The following THAP8 variants were observed in gnomAD, a reference collection of about 807,000 sequenced individuals.
THAP8 encodes THAP domain-containing protein 8.
A neutral mutation model predicts 25.0 loss-of-function variants in THAP8; 24 were observed. That is an observed-to-expected ratio of 0.96 (90% CI 0.69 to 1.35). THAP8 has a LOEUF of 1.35. Among genes scored for constraint, THAP8 ranks in the 40% most tolerant of loss-of-function variants. The pLI is 0.00. For synonymous variants in THAP8, 169 were observed against 157.6 expected (o/e 1.07, Z -0.54); for missense variants, 399 against 368.8 (o/e 1.08, Z -0.67).
intron 3 of THAP8, 53 bp downstream of exon 3, chr19:36,039,270 G>A: frequency 7.1e-7 from 1 of 1,412,108 alleles, no homozygotes; most frequent in Admixed American, 3.1e-5. Flanking sequence ...AAAACACACT[G>A]CAGGCCAGGC....
chr19:36,049,396 T>C (rs1417061645), intron 1 of THAP8, among the ~76,000 whole-genome samples: 2 of 150,474 alleles, frequency 1.3e-5, no homozygotes, highest in African/African-American at 4.9e-5. Context: ...AACTAATGAG[T>C]GTTCCCATTG....
chr19:36,042,928 G>A (rs1211515344), intron 1 of THAP8, among the ~76,000 whole-genome samples: 6 of 151,720 alleles, frequency 4.0e-5, no homozygotes, highest in South Asian at 2.1e-4. Context: ...CACCATGCCC[G>A]GCTTATTTAT....
At chr19:36,039,856 G>C (rs769532504) in intron 2 of THAP8, 88 bp downstream of exon 2, 2 of 1,587,928 alleles carry the variant, frequency 1.3e-6, no homozygotes, top group Admixed American at 1.9e-5. Flanking sequence ...CAGGAGGGGA[G>C]GGCCAAAGTT....
chr19:36,039,846 C>T (rs1440211109), intron 2 of THAP8, 98 bp downstream of exon 2: 27 of 1,579,084 alleles, frequency 1.7e-5, no homozygotes, highest in South Asian at 1.1e-4. Flanking sequence ...GAAGTGTCGT[C>T]AGGAGGGGAG....
Position 36,035,358 on chromosome 19 carries a change from T to A in THAP8, c.*82A>T. 2.0e-6 allele frequency: 3 copies of A among 1,528,022 alleles called. No individual in the cohort carries two copies. Among genetic ancestry groups the A allele is most frequent in the Non-Finnish European group, 2.7e-6 (3 of 1,130,012 alleles). 94.7% of individuals were successfully genotyped at this position (1,528,022 alleles called of 1,614,324 possible). A position where few individuals can be genotyped will look rare whatever the true frequency, so the allele number is the denominator to read the frequency against. On this transcript the variant is annotated 3_prime_UTR_variant, in exon 4 of 4. Transcript: ENST00000292894. ...ACTGCTACTACCCAGGCGTGGGCGG[T>A]GGGGCTGGGCCAAGCCCACGTATAA...
rs766355085 is a variant in THAP8, at chr19:36,054,203, G to C, written c.15C>G (p.Cys5Trp). MPKY[C>W]RAPNCSNTAG... Reference sequence around the variant, plus strand: ...CAGTGTTGGAGCAGTTCGGCGCCCTGCAGTACTTGGGCATGGCTATCCAGC... The same window carrying C: ...CAGTGTTGGAGCAGTTCGGCGCCCTCCAGTACTTGGGCATGGCTATCCAGC... Residue 5 changes from cysteine to tryptophan, a missense_variant, in exon 1 of 4, where the codon TGC (cysteine) becomes TGG (tryptophan). Physicochemically the swap from Cys to Trp is radical, Grantham distance 215 (BLOSUM62 -2). Transcript: ENST00000292894. 1 of 1,613,758 alleles carries C rather than the reference G, an allele frequency of 6.2e-7. No individual in the cohort carries two copies.
chr19:36,037,343 T>TAGACACAC lies in THAP8; in HGVS notation c.673-1752_673-1751insGTGTGTCT, dbSNP rs1491146173. Among the ~76,000 whole-genome samples the TAGACACAC allele has an allele frequency of 7.0e-4, 80 of 114,830 alleles. 1 individual carries two copies. The highest frequency in any genetic ancestry group is 9.8e-4 in the Non-Finnish European group (53 of 53,832). The allele number at this position is 114,830 out of a possible 152,430, so 75.3% of individuals were successfully genotyped here. A position where few individuals can be genotyped will look rare whatever the true frequency, so the allele number is the denominator to read the frequency against. ...AAACACCTTCCTCAAATTCCTCCCC[T>TAGACACAC]ACACACACACACACACACACACACA... On this transcript the variant is annotated intron_variant, in intron 3 of 3. Transcript: ENST00000292894.
intron 3 of THAP8, among the ~76,000 whole-genome samples, chr19:36,037,329 T>C: frequency 1.9e-5 from 2 of 105,630 alleles, no homozygotes; most frequent in Admixed American, 9.8e-5. Context: ...AACACCTTCC[T>C]CAAATTCCTC....
chr19:36,045,461 GT>G (rs749155041), intron 1 of THAP8, among the ~76,000 whole-genome samples: 4 of 152,054 alleles, frequency 2.6e-5, no homozygotes, highest in Non-Finnish European at 4.4e-5. Context: ...TAGAGATGGG[GT>G]TTTGCCTTGT....
chr19:36,044,446 AC>A (rs1166104056), intron 1 of THAP8, among the ~76,000 whole-genome samples: 1 of 148,790 alleles, frequency 6.7e-6, no homozygotes, highest in Non-Finnish European at 1.5e-5. Flanking sequence ...AGATGCCATT[AC>A]CTACTGAGGG....
At chr19:36,047,403 G>A (rs920627514) in intron 1 of THAP8, among the ~76,000 whole-genome samples, 5 of 152,198 alleles carry the variant, frequency 3.3e-5, no homozygotes, top group African/African-American at 1.2e-4. Context: ...AGACCTGAAC[G>A]CTTTTTGCTC....
upstream of THAP8, chr19:36,054,760 G>C: frequency 1.6e-6 from 1 of 630,056 alleles, no homozygotes; most frequent in Non-Finnish European, 2.8e-6. Flanking sequence ...TACACTGGCT[G>C]TGGCCCCGCC....
chr19:36,049,869 A>G lies in THAP8; in HGVS notation c.83+4266T>C, dbSNP rs560227870. ...GGAGTTCAAGACCCACCTGGCCAAC[A>G]TGGTGAAACTCCATCTCTACTAAAA... On this transcript the variant is annotated intron_variant, in intron 1 of 3. Coordinates refer to ENST00000292894, the MANE Select transcript of THAP8 (RefSeq NM_152658.3). Among the ~76,000 whole-genome samples, 3 of 152,238 alleles carry G rather than the reference A, an allele frequency of 2.0e-5. No individual in the cohort carries two copies. The South Asian group carries it at 6.2e-4, about 32-fold the overall frequency.
chr19:36,047,481 T>C (rs991985391), intron 1 of THAP8, among the ~76,000 whole-genome samples: 1 of 152,114 alleles, frequency 6.6e-6, no homozygotes, highest in African/African-American at 2.4e-5. Flanking sequence ...GCAGCCACCT[T>C]GGATGGAAGC....
intron 1 of THAP8, among the ~76,000 whole-genome samples, chr19:36,048,383 T>C (rs894368729): frequency 1.3e-5 from 2 of 151,244 alleles, no homozygotes; most frequent in South Asian, 2.1e-4. Context: ...TTTTTTTTTT[T>C]AGACGAAGTT....
intron 1 of THAP8, 31 bp from the exon 2 acceptor site, chr19:36,040,167 G>A: frequency 6.3e-7 from 1 of 1,575,442 alleles, no homozygotes; most frequent in Non-Finnish European, 8.6e-7. Flanking sequence ...CTGGGTCAGT[G>A]CTACGAGGTT....
chr19:36,054,738 T>C (rs1299310255), upstream of THAP8: 2 of 600,992 alleles, frequency 3.3e-6, no homozygotes, highest in Non-Finnish European at 5.9e-6. Flanking sequence ...TGACGCTTAA[T>C]CAGGCATCCA....
intron 3 of THAP8, among the ~76,000 whole-genome samples, chr19:36,037,380 A>C (rs867873267): frequency 7.7e-4 from 112 of 145,548 alleles, no homozygotes; most frequent in African/African-American, 1.8e-3. Context: ...ACACACACAC[A>C]CCCAGCAGTA....
intron 1 of THAP8, among the ~76,000 whole-genome samples, chr19:36,050,592 C>T (rs56711107): frequency 0.02 from 3,071 of 152,152 alleles, 98 homozygotes; most frequent in African/African-American, 0.071. Context: ...AATGGACTAG[C>T]GGTGAATGAA....
Sources: gnomAD v4.1 joint callset for allele counts (sites outside exome capture counted in the v4.1 genomes callset) on GRCh38, gnomAD v4.1.1 for gene constraint, MANE v1.5 for transcripts, NCBI Gene and HGNC (gene_info 2026-07-23, HGNC 2026-07-21) for gene names.